The following RETREG1 variants were observed in gnomAD, a reference collection of about 807,000 sequenced individuals.
The protein encoded by RETREG1 is reticulophagy regulator 1.
A neutral mutation model predicts 54.8 loss-of-function variants in RETREG1; 44 were observed. That is an observed-to-expected ratio of 0.80 (90% CI 0.63 to 1.03). The LOEUF (loss-of-function observed/expected upper bound fraction) is 1.03. Among genes scored for constraint, RETREG1 ranks in the 50% least tolerant of loss-of-function variants. The probability of loss-of-function intolerance (pLI) is 0.00; values close to 1 mark genes in which losing one functional copy is unlikely to be tolerated. For missense variants in RETREG1, 554 were observed against 605.1 expected (o/e 0.92, Z 0.89); for synonymous variants, 217 against 238.5 (o/e 0.91, Z 0.83).
At chr5:16,596,731 T>G (rs1334843194) in intron 1 of RETREG1, among the ~76,000 whole-genome samples, 1 of 152,118 alleles carries the variant, frequency 6.6e-6, no homozygotes, top group Non-Finnish European at 1.5e-5. Context: ...GCAACCTCAC[T>G]GCAACTCCAG....
Position 16,561,896 on chromosome 5 carries a change from C to T in RETREG1, c.458+3867G>A, listed in dbSNP as rs1314802860. 2.6e-5 allele frequency among the ~76,000 whole-genome samples: 4 copies of T among 152,208 alleles called. No individual in the cohort carries two copies. Among genetic ancestry groups the T allele is most frequent in the Admixed American group, 1.3e-4 (2 of 15,288 alleles). On this transcript the variant is annotated intron_variant, in intron 3 of 8. Coordinates refer to ENST00000306320, the MANE Select transcript of RETREG1 (RefSeq NM_001034850.3). The surrounding 1 kb of genome is among the most constrained non-coding windows in gnomAD (Gnocchi z 4.2). Reference sequence around the variant, plus strand: ...TCTGAAAGAACCCTGAGTCAAAGAGCATGGAGTGCTTTTTCAAATCCACTG... The same window carrying T: ...TCTGAAAGAACCCTGAGTCAAAGAGTATGGAGTGCTTTTTCAAATCCACTG...
intron 1 of RETREG1, among the ~76,000 whole-genome samples, chr5:16,614,624 A>G (rs2126382830): frequency 6.6e-6 from 1 of 151,784 alleles, no homozygotes; most frequent in Non-Finnish European, 1.5e-5. Context: ...AGCCATCAAA[A>G]TTACAAGTGC....
chr5:16,482,358 T>C (rs925984110), intron 4 of RETREG1, among the ~76,000 whole-genome samples: 4 of 151,970 alleles, frequency 2.6e-5, no homozygotes, highest in Admixed American at 2.0e-4. Context: ...ATGCAGAAGT[T>C]TGAAGTTTAG....
chr5:16,590,687 TAAG>T (rs1235401689), intron 1 of RETREG1, among the ~76,000 whole-genome samples: 3 of 152,044 alleles, frequency 2.0e-5, no homozygotes, highest in Non-Finnish European at 4.4e-5. Flanking sequence ...TTTTTACAAA[TAAG>T]AAAACTAAAG....
At chr5:16,508,453 A>G (rs1740047008) in intron 3 of RETREG1, 1 of 924,288 alleles carries the variant, frequency 1.1e-6, no homozygotes, top group Non-Finnish European at 1.7e-6. Context: ...CTGGAATTAA[A>G]GGACTGCATT....
chr5:16,542,866 G>A (rs6878523), intron 3 of RETREG1, among the ~76,000 whole-genome samples: 4,750 of 152,228 alleles, frequency 0.031, 237 homozygotes, highest in African/African-American at 0.11. Flanking sequence ...AATAAACTGC[G>A]CATAAGTTTT....
chr5:16,475,550 C>T (rs993999169), intron 8 of RETREG1, among the ~76,000 whole-genome samples: 2 of 152,158 alleles, frequency 1.3e-5, no homozygotes, highest in Admixed American at 6.5e-5. Flanking sequence ...AAAGTTTAAG[C>T]ATTTACTATA....
At chr5:16,528,231 G>A (rs184802637) in intron 3 of RETREG1, among the ~76,000 whole-genome samples, 34 of 152,064 alleles carry the variant, frequency 2.2e-4, no homozygotes, top group African/African-American at 7.7e-4. Context: ...AGAGAAAGTA[G>A]GAAAAGCAGC....
At chr5:16,569,091 G>C (rs1476135335) in intron 2 of RETREG1, among the ~76,000 whole-genome samples, 1 of 152,104 alleles carries the variant, frequency 6.6e-6, no homozygotes, top group East Asian at 1.9e-4. Context: ...GTGCCCTGCA[G>C]AGACTGATTC....
intron 2 of RETREG1, among the ~76,000 whole-genome samples, chr5:16,566,620 T>C (rs1742021543): frequency 6.6e-6 from 1 of 152,240 alleles, no homozygotes; most frequent in Non-Finnish European, 1.5e-5. Context: ...TCTTAACCTT[T>C]ACTTCCAGAA....
Position 16,581,249 on chromosome 5 carries a change from G to A in RETREG1, c.321-9147C>T, listed in dbSNP as rs1242571224. On this transcript the variant is annotated intron_variant, in intron 1 of 8. Transcript: ENST00000306320. ...AGGCCAGTCGGAGGCAGGACTGCACGTGAGCTGAGGCTCCAATCCCCTGTG... is the reference window on the plus strand; with the variant it reads ...AGGCCAGTCGGAGGCAGGACTGCACATGAGCTGAGGCTCCAATCCCCTGTG... Among the ~76,000 whole-genome samples the A allele has an allele frequency of 4.6e-5, 7 of 152,176 alleles. No individual in the cohort carries two copies. The East Asian group carries it at 9.6e-4, about 21-fold the overall frequency.
rs966106960 is a variant in RETREG1, at chr5:16,597,395, C to A, written c.320+19257G>T. ...ATTATCCTTATTCACTGATTTGTCA[C>A]TGTACCTTCATCATTAAATCCAAAA... is the stretch of plus-strand genomic sequence containing the variant. On this transcript the variant is annotated intron_variant, in intron 1 of 8. Coordinates refer to ENST00000306320, the MANE Select transcript of RETREG1 (RefSeq NM_001034850.3). The surrounding 1 kb of genome is among the most constrained non-coding windows in gnomAD (Gnocchi z 4.3). Among the ~76,000 whole-genome samples the A allele has an allele frequency of 6.6e-6, 1 of 152,230 alleles. No homozygotes were observed. Among genetic ancestry groups the A allele is most frequent in the Admixed American group, 6.5e-5 (1 of 15,288 alleles).
chr5:16,497,413 T>G (rs1739505912), intron 3 of RETREG1, among the ~76,000 whole-genome samples: 3 of 152,234 alleles, frequency 2.0e-5, no homozygotes, highest in Admixed American at 2.0e-4. Context: ...AGCTGCTATG[T>G]CAGATTGGAC....
intron 3 of RETREG1, among the ~76,000 whole-genome samples, chr5:16,544,019 A>G (rs1212539959): frequency 8.1e-6 from 1 of 123,904 alleles, no homozygotes; most frequent in African/African-American, 3.2e-5. Context: ...CTTGTCACCC[A>G]GGCTGGCATG....
chr5:16,565,712 C>A, intron 3 of RETREG1, 51 bp downstream of exon 3: 2 of 1,593,358 alleles, frequency 1.3e-6, no homozygotes, highest in Non-Finnish European at 8.6e-7. Flanking sequence ...GGCTCAGTCC[C>A]CTCCCTCACC....
intron 3 of RETREG1, among the ~76,000 whole-genome samples, chr5:16,534,926 G>A (rs748046982): frequency 7.9e-5 from 12 of 152,148 alleles, no homozygotes; most frequent in African/African-American, 1.4e-4. Flanking sequence ...TAAGTGCCAG[G>A]CACAGAGGTA....
intron 3 of RETREG1, among the ~76,000 whole-genome samples, chr5:16,536,486 C>T (rs556450687): frequency 2.6e-5 from 4 of 152,258 alleles, no homozygotes; most frequent in South Asian, 4.2e-4. Context: ...AAGCAGGAAT[C>T]GCCAGCCTGG....
chr5:16,530,651 T>C (rs1740885073), intron 3 of RETREG1, among the ~76,000 whole-genome samples: 1 of 152,166 alleles, frequency 6.6e-6, no homozygotes, highest in Non-Finnish European at 1.5e-5. Context: ...GATGAGTGGA[T>C]CACCTGAGAT....
intron 1 of RETREG1, among the ~76,000 whole-genome samples, chr5:16,606,957 C>A (rs1289322843): frequency 6.6e-6 from 1 of 152,130 alleles, no homozygotes; most frequent in Middle Eastern, 3.2e-3. Context: ...TGCTGCCCTG[C>A]AAACACCCCA....
Sources: allele counts gnomAD v4.1 joint callset (sites outside exome capture counted in the v4.1 genomes callset), GRCh38; gene constraint gnomAD v4.1.1; non-coding constraint Gnocchi (gnomAD v3.1); transcripts MANE v1.5; gene names NCBI Gene and HGNC (gene_info 2026-07-23, HGNC 2026-07-21).